TBC1D9B: variants seen among roughly 807,000 people sequenced by gnomAD.
The protein encoded by TBC1D9B is TBC1 domain family, member 9B (with GRAM domain).
A neutral mutation model predicts 121.1 loss-of-function variants in TBC1D9B; 87 were observed. That is an observed-to-expected ratio of 0.72 (90% CI 0.60 to 0.86). The LOEUF (loss-of-function observed/expected upper bound fraction) is 0.86, where lower values mean the gene tolerates loss of function less well. TBC1D9B is among the 40% of genes least tolerant of loss of function. The pLI, the probability that TBC1D9B is intolerant of heterozygous loss-of-function variation, is 0.00. For missense variants in TBC1D9B, 1,540 were observed against 1,628.6 expected (o/e 0.95, Z 0.94); for synonymous variants, 668 against 670.1 (o/e 1.00, Z 0.05).
In TBC1D9B at chr5:179,891,427, G is replaced by A. The variant is rs141891953; in HGVS notation, c.996C>T (p.Phe332=). ...GGCAAGCGTCCTCCTCCTTGCTGGC[G>A]AAGCAGATGTAGTTGTTGGAGATGA... The part of the protein sequence containing the change: ...QMFISNNYIC[F]ASKEEDACHL... Residue 332 remains phenylalanine, a synonymous_variant, in exon 6 of 21, where the codon TTC becomes TTT. Coordinates refer to ENST00000355235, the MANE Select transcript of TBC1D9B (RefSeq NM_015043.4). The surrounding 1 kb of genome is among the most constrained non-coding windows in gnomAD (Gnocchi z 4.3). 4.1e-4 allele frequency: 655 copies of A among 1,614,244 alleles called. 2 individuals are homozygous for A. The African/African-American group carries it at 7.8e-3, about 19-fold the overall frequency.
intron 18 of TBC1D9B, 42 bp downstream of exon 18, chr5:179,867,736 G>C (rs1760060407): frequency 6.2e-7 from 1 of 1,605,200 alleles, no homozygotes. Flanking sequence ...GGTGGCTGCA[G>C]AGTGCTGGCT....
chr5:179,875,301 C>G lies in TBC1D9B; in HGVS notation c.1901-114G>C, dbSNP rs1274902716. On this transcript the variant is annotated intron_variant, in intron 11 of 20. Transcript: ENST00000355235. The surrounding 1 kb of genome is among the most constrained non-coding windows in gnomAD (Gnocchi z 4.5). Reference sequence around the variant, plus strand: ...AGCCCTGCCAGCTGTGCAGTGAGGGCTGAGGGAGACTTGGAGTGCTGGGAG... The same window carrying G: ...AGCCCTGCCAGCTGTGCAGTGAGGGGTGAGGGAGACTTGGAGTGCTGGGAG... The G allele has an allele frequency of 2.3e-6, 3 of 1,311,896 alleles. No homozygotes were observed. The highest frequency in any genetic ancestry group is 3.1e-6 in the Non-Finnish European group (3 of 975,952). The allele number at this position is 1,311,896 out of a possible 1,614,324, so 81.3% of individuals were successfully genotyped here.
At position 179,866,044 on chromosome 5, in the gene TBC1D9B, C is replaced by T. The variant is rs768196505; in HGVS notation, c.2864-156G>A. ...TCCCATGCCACACCTCCTGCCTGGC[C>T]CGCCCAGCCCCGCCCTATGGCACCA... On this transcript the variant is annotated intron_variant, in intron 18 of 20. Coordinates refer to ENST00000355235, the MANE Select transcript of TBC1D9B (RefSeq NM_015043.4). The T allele has an allele frequency of 1.2e-4, 86 of 737,856 alleles. No individual in the cohort carries two copies. In the African/African-American group the frequency reaches 1.2e-3, roughly 11 times the overall value. The allele number at this position is 737,856 out of a possible 1,614,324, so 45.7% of individuals were successfully genotyped here.
At chr5:179,876,604 G>T (rs1760366734) in intron 10 of TBC1D9B, among the ~76,000 whole-genome samples, 1 of 152,202 alleles carries the variant, frequency 6.6e-6, no homozygotes, top group Non-Finnish European at 1.5e-5. Context: ...ATCAAAAGCT[G>T]CGAGAAATGC....
intron 2 of TBC1D9B, among the ~76,000 whole-genome samples, chr5:179,900,812 C>A (rs1272811451): frequency 6.6e-6 from 1 of 152,222 alleles, no homozygotes; most frequent in Non-Finnish European, 1.5e-5. Context: ...CTCTTAGGAA[C>A]AAGAGCACTA....
chr5:179,906,524 T>A (rs887892222), intron 1 of TBC1D9B, among the ~76,000 whole-genome samples: 2 of 152,304 alleles, frequency 1.3e-5, no homozygotes, highest in Admixed American at 1.3e-4. Context: ...CCTGGCGCGC[T>A]GGCGGAAGAA....
In TBC1D9B at chr5:179,875,821, C is replaced by A; in HGVS notation, c.1900+99G>T. ...TACTACCCTCTAACTCCTAGGGAAC[C>A]CACGTGAAGCCTGGAGCTTGGCCTG... On this transcript the variant is annotated intron_variant, in intron 11 of 20. Coordinates refer to ENST00000355235, the MANE Select transcript of TBC1D9B (RefSeq NM_015043.4). This position sits in a 1 kb window ranked among gnomAD's most constrained non-coding sequence, Gnocchi z 4.5. The A allele has an allele frequency of 2.2e-6, 2 of 928,036 alleles. No homozygotes were observed. Among genetic ancestry groups the A allele is most frequent in the South Asian group, 3.8e-5 (2 of 52,060 alleles). The allele number at this position is 928,036 out of a possible 1,614,324, so 57.5% of individuals were successfully genotyped here.
Position 179,879,209 on chromosome 5 carries a change from G to A in TBC1D9B, c.1417-12C>T. 2 of 1,596,198 alleles carry A rather than the reference G, an allele frequency of 1.3e-6. No homozygotes were observed. Among genetic ancestry groups the A allele is most frequent in the Admixed American group, 3.4e-5 (2 of 59,062 alleles). On this transcript the variant is annotated splice_polypyrimidine_tract_variant and intron_variant, in intron 8 of 20. Coordinates refer to ENST00000355235, the MANE Select transcript of TBC1D9B (RefSeq NM_015043.4). ...ATCTTCTCCTTGGCCTGAGGGAAAA[G>A]CGCATCAGGGAGCCTGGGGGCCGAA...
intron 3 of TBC1D9B, among the ~76,000 whole-genome samples, chr5:179,895,170 T>A (rs569280410): frequency 3.9e-5 from 6 of 152,320 alleles, no homozygotes; most frequent in Admixed American, 3.9e-4. Flanking sequence ...CTGACACTTT[T>A]AAAATGAATA....
chr5:179,886,089 C>T (rs1053726735), intron 7 of TBC1D9B, among the ~76,000 whole-genome samples: 4 of 152,204 alleles, frequency 2.6e-5, no homozygotes, highest in African/African-American at 9.7e-5. Context: ...TCCAGTGCTG[C>T]CTGATCAGAG....
At chr5:179,880,377 G>T (rs1280150292) in intron 7 of TBC1D9B, among the ~76,000 whole-genome samples, 2 of 152,206 alleles carry the variant, frequency 1.3e-5, no homozygotes, top group Non-Finnish European at 2.9e-5. Context: ...GTCCAGTGGG[G>T]GAGAGCCCAG....
At chr5:179,901,420 C>A (rs1761164561) in intron 2 of TBC1D9B, among the ~76,000 whole-genome samples, 1 of 152,188 alleles carries the variant, frequency 6.6e-6, no homozygotes, top group Admixed American at 6.5e-5. Context: ...TTACACATAA[C>A]ATTCCTAGAA....
chr5:179,884,928 T>TG (rs1482575883), intron 7 of TBC1D9B, among the ~76,000 whole-genome samples: 2 of 152,186 alleles, frequency 1.3e-5, no homozygotes, highest in Non-Finnish European at 2.9e-5. Flanking sequence ...TGTGGATGGA[T>TG]GGTGGTGATG....
At chr5:179,894,048 G>A (rs1439130876) in intron 4 of TBC1D9B, among the ~76,000 whole-genome samples, 1 of 152,188 alleles carries the variant, frequency 6.6e-6, no homozygotes, top group Non-Finnish European at 1.5e-5. Context: ...AGCAGATGAG[G>A]GCTGTGGCAC....
intron 10 of TBC1D9B, among the ~76,000 whole-genome samples, chr5:179,877,443 A>G (rs1228801531): frequency 6.6e-6 from 1 of 151,848 alleles, no homozygotes; most frequent in Non-Finnish European, 1.5e-5. Context: ...CAGGTGGATT[A>G]CCTGATGTCA....
chr5:179,864,011 C>G lies in TBC1D9B; in HGVS notation c.3139G>C (p.Val1047Leu), dbSNP rs774975732. The G allele has an allele frequency of 7.4e-6, 12 of 1,613,816 alleles. No homozygotes were observed. In the South Asian group the frequency reaches 1.2e-4, roughly 16 times the overall value. Residue 1047 changes from valine (V) to leucine (L), a missense_variant, in exon 21 of 21, where the codon GTG becomes CTG. Physicochemically the swap from Val to Leu is conservative, Grantham distance 32. Coordinates refer to ENST00000355235, the MANE Select transcript of TBC1D9B (RefSeq NM_015043.4). ...VASLLLRIGE[V>L]GKKFSARTGR... ...GTGCGGGCTGAGAACTTCTTCCCCACCTCTCCGATGCGGAGCAGGAGGCTG... is the reference window on the plus strand; with the variant it reads ...GTGCGGGCTGAGAACTTCTTCCCCAGCTCTCCGATGCGGAGCAGGAGGCTG...
chr5:179,872,951 G>C lies in TBC1D9B; in HGVS notation c.2356C>G (p.Arg786Gly). The change falls in exon 14 of 21, where the codon CGG (arginine) becomes GGG (glycine). Residue 786 changes from arginine (R) to glycine (G), a missense_variant. Transcript: ENST00000355235. ...ATCACTTTCAGCCTCTGTTTAAACCGCATCTGCTCAATGTCTTCGGCCCTC... is the reference window on the plus strand; with the variant it reads ...ATCACTTTCAGCCTCTGTTTAAACCCCATCTGCTCAATGTCTTCGGCCCTC... The part of the protein sequence containing the change: ...SLRAEDIEQM[R>G]FKQRLKVIQS... 6.3e-7 allele frequency: 1 copy of C among 1,594,404 alleles called. No homozygotes were observed. Among genetic ancestry groups the C allele is most frequent in the Non-Finnish European group, 8.5e-7 (1 of 1,171,216 alleles).
intron 20 of TBC1D9B, 135 bp from the exon 21 acceptor site, chr5:179,864,263 A>C (rs1759940207): frequency 1.2e-6 from 1 of 851,664 alleles, no homozygotes; most frequent in East Asian, 2.7e-5. Flanking sequence ...CATGAGCCTC[A>C]TCAGTCCCAT....
At position 179,891,474 on chromosome 5, in the gene TBC1D9B, G is replaced by A. The variant is rs144413288; in HGVS notation, c.949C>T (p.Leu317=). The A allele has an allele frequency of 2.2e-3, 3,549 of 1,614,250 alleles. 7 individuals are homozygous for A. The highest frequency in any genetic ancestry group is 2.3e-3 in the Non-Finnish European group (2,743 of 1,180,042). The change falls in exon 6 of 21, where the codon CTG becomes TTG. Residue 317 remains leucine (L), a synonymous_variant. Coordinates refer to ENST00000355235, the MANE Select transcript of TBC1D9B (RefSeq NM_015043.4). The surrounding 1 kb of genome is among the most constrained non-coding windows in gnomAD (Gnocchi z 4.3). ...ATGAACATCTGGCCAGGGATGTGCA[G>A]CTTGTTGAACGGCGTCCACAGGGTG... ...SCTLWTPFNK[L]HIPGQMFISN...
Sources: gnomAD v4.1 joint callset for allele counts (sites outside exome capture counted in the v4.1 genomes callset) on GRCh38, gnomAD v4.1.1 for gene constraint, Gnocchi (gnomAD v3.1) non-coding constraint, MANE v1.5 for transcripts, NCBI Gene and HGNC (gene_info 2026-07-23, HGNC 2026-07-21) for gene names.